Variants in PIEZO2 observed in about 807,000 individuals in gnomAD.
PIEZO2 encodes the protein piezo type mechanosensitive ion channel component 2.
A neutral mutation model predicts 337.3 loss-of-function variants in PIEZO2; 172 were observed. The ratio of observed to expected loss-of-function variants is 0.51; its 90% CI spans 0.45 to 0.58. The LOEUF is 0.58. Ranked by LOEUF, PIEZO2 falls within the 20% of genes least tolerant of loss-of-function variation. The pLI is 0.00. For missense variants in PIEZO2, 3,028 were observed against 3,391.3 expected, an observed-to-expected ratio of 0.89 and a Z score of 2.66; for synonymous variants, 1,251 against 1,228.5, an observed-to-expected ratio of 1.02 and a Z score of -0.38.
At chr18:11,057,808 A>C (rs1408899551) in intron 2 of PIEZO2, among the ~76,000 whole-genome samples, 1 of 152,384 alleles carries the variant, frequency 6.6e-6, no homozygotes, top group East Asian at 1.9e-4. Flanking sequence ...CCACCAGTTA[A>C]GTGTACTGAG....
chr18:10,964,056 T>C (rs1185682673), intron 3 of PIEZO2, among the ~76,000 whole-genome samples: 2 of 152,112 alleles, frequency 1.3e-5, no homozygotes, highest in Non-Finnish European at 2.9e-5. Context: ...GTGAAGCTCA[T>C]CTATGGGTAT....
At chr18:10,907,636 G>T (rs1444638998) in intron 4 of PIEZO2, among the ~76,000 whole-genome samples, 1 of 152,078 alleles carries the variant, frequency 6.6e-6, no homozygotes, top group Non-Finnish European at 1.5e-5. Context: ...GGCCATTTTA[G>T]CTCCAAGCTT....
At chr18:10,955,868 T>A (rs2033498249) in intron 3 of PIEZO2, among the ~76,000 whole-genome samples, 1 of 152,232 alleles carries the variant, frequency 6.6e-6, no homozygotes, top group South Asian at 2.1e-4. Flanking sequence ...ATTTTTTGTT[T>A]GTTTGTTTTT....
At position 10,828,775 on chromosome 18, in the gene PIEZO2, C is replaced by T. The variant is rs1439040309; in HGVS notation, c.918-21501G>A. Among the ~76,000 whole-genome samples the T allele has an allele frequency of 6.6e-6, 1 of 152,126 alleles. No individual in the cohort carries two copies. The highest frequency in any genetic ancestry group is 1.5e-5 in the Non-Finnish European group (1 of 68,032). ...ATTTCCCTTCCTTACTAGCTAATGC[C>T]CAGAGCTCCATCTCACCCCATCACT... On this transcript the variant is annotated intron_variant, in intron 7 of 55. Coordinates refer to ENST00000674853, the MANE Select transcript of PIEZO2 (RefSeq NM_001378183.1). The surrounding 1 kb of genome is among the most constrained non-coding windows in gnomAD (Gnocchi z 4.1).
intron 1 of PIEZO2, among the ~76,000 whole-genome samples, chr18:11,118,036 C>A (rs1021384414): frequency 1.3e-5 from 2 of 152,222 alleles, no homozygotes; most frequent in Non-Finnish European, 2.9e-5. Flanking sequence ...ACACATGTAA[C>A]AATTTTTATG....
chr18:10,905,876 G>C (rs987398670), intron 4 of PIEZO2, among the ~76,000 whole-genome samples: 1 of 152,216 alleles, frequency 6.6e-6, no homozygotes, highest in Non-Finnish European at 1.5e-5. Flanking sequence ...CATTGCCCAC[G>C]GCACCAGGGT....
At chr18:10,737,437 C>T (rs1307405080) in intron 33 of PIEZO2, among the ~76,000 whole-genome samples, 1 of 152,188 alleles carries the variant, frequency 6.6e-6, no homozygotes, top group African/African-American at 2.4e-5. Flanking sequence ...TGTCGTAGCC[C>T]TAAGACAGAC....
intron 1 of PIEZO2, among the ~76,000 whole-genome samples, chr18:11,091,109 G>T (rs1224368453): frequency 2.0e-5 from 3 of 151,870 alleles, no homozygotes; most frequent in Non-Finnish European, 4.4e-5. Flanking sequence ...ATTCAGGCCC[G>T]GCGCAGTGGC....
chr18:10,944,221 G>T (rs146431966), intron 3 of PIEZO2, among the ~76,000 whole-genome samples: 1 of 152,134 alleles, frequency 6.6e-6, no homozygotes, highest in African/African-American at 2.4e-5. Context: ...CAAGTGAATA[G>T]GGGATCAGGA....
intron 48 of PIEZO2, 22 bp downstream of exon 48, chr18:10,691,203 G>A (rs2034808663): frequency 6.2e-7 from 1 of 1,607,502 alleles, no homozygotes; most frequent in Non-Finnish European, 8.5e-7. Flanking sequence ...ATAAGTGACT[G>A]TGACGTTGCA....
At chr18:10,975,520 C>T (rs190236043) in intron 3 of PIEZO2, among the ~76,000 whole-genome samples, 5 of 152,112 alleles carry the variant, frequency 3.3e-5, no homozygotes, top group African/African-American at 4.8e-5. Context: ...AGTTTCAGCT[C>T]TGCACAACGG....
rs2038360965 is a variant in PIEZO2 at position 10,766,426 on chromosome 18, T to G, written c.2947-3328A>C. On this transcript the variant is annotated intron_variant, in intron 21 of 55. Coordinates refer to ENST00000674853, the MANE Select transcript of PIEZO2 (RefSeq NM_001378183.1). This position sits in a 1 kb window ranked among gnomAD's most constrained non-coding sequence, Gnocchi z 6.1. ...TTAGGGAAATAGATGCTGGTCCACG[T>G]ACATAACAACTGTCCAGGTGATTCT... 6.6e-6 allele frequency among the ~76,000 whole-genome samples: 1 copy of G among 152,198 alleles called. No individual in the cohort carries two copies. Among genetic ancestry groups the G allele is most frequent in the Non-Finnish European group, 1.5e-5 (1 of 68,028 alleles).
chr18:10,701,930 G>A (rs765473807), intron 43 of PIEZO2, 59 bp downstream of exon 43: 324 of 1,381,206 alleles, frequency 2.3e-4, no homozygotes, highest in Non-Finnish European at 2.8e-4. Flanking sequence ...GGAAGATTAC[G>A]GTCCAGGTTA....
intron 3 of PIEZO2, among the ~76,000 whole-genome samples, chr18:10,950,638 T>C (rs1470958303): frequency 6.6e-6 from 1 of 152,208 alleles, no homozygotes; most frequent in Non-Finnish European, 1.5e-5. Flanking sequence ...AAGATTTCTT[T>C]TCTAAACCAT....
intron 4 of PIEZO2, among the ~76,000 whole-genome samples, chr18:10,880,262 A>G (rs897629676): frequency 6.6e-6 from 1 of 152,218 alleles, no homozygotes; most frequent in East Asian, 1.9e-4. Context: ...AAATTTATTA[A>G]TCAAATTCAA....
At position 10,682,775 on chromosome 18, in the gene PIEZO2, T is replaced by TTGTACCATGTTGTTCGACACC. The variant is rs11283859; in HGVS notation, c.7498-484_7498-483insGGTGTCGAACAACATGGTACA. Among the ~76,000 whole-genome samples, 1 of 151,948 alleles carries TTGTACCATGTTGTTCGACACC rather than the reference T, an allele frequency of 6.6e-6. No homozygotes were observed. On this transcript the variant is annotated intron_variant, in intron 49 of 55. Coordinates refer to ENST00000674853, the MANE Select transcript of PIEZO2 (RefSeq NM_001378183.1). The surrounding 1 kb of genome is among the most constrained non-coding windows in gnomAD (Gnocchi z 5.6). ...TTAATTTAATTCATGACACGTGTTG[T>TTGTACCATGTTGTTCGACACC]TAAAGACAATGTTGTTCGACACCTA...
At position 10,940,691 on chromosome 18, in the gene PIEZO2, A is replaced by C. The variant is rs915063377; in HGVS notation, c.287-29463T>G. Among the ~76,000 whole-genome samples the C allele has an allele frequency of 6.6e-6, 1 of 152,116 alleles. No homozygotes were observed. The highest frequency in any genetic ancestry group is 1.5e-5 in the Non-Finnish European group (1 of 68,008). ...ATCCTAGCCAACATGGTGAAACCCT[A>C]TCTCTACTAAAAAGACAAAAATTAG... On this transcript the variant is annotated intron_variant, in intron 3 of 55. Coordinates refer to ENST00000674853, the MANE Select transcript of PIEZO2 (RefSeq NM_001378183.1). This position sits in a 1 kb window ranked among gnomAD's most constrained non-coding sequence, Gnocchi z 5.3.
intron 2 of PIEZO2, among the ~76,000 whole-genome samples, chr18:11,026,783 G>A (rs558912824): frequency 2.0e-5 from 3 of 152,178 alleles, no homozygotes; most frequent in East Asian, 3.9e-4. Flanking sequence ...ATGCATTATC[G>A]GTTAACAGAT....
intron 4 of PIEZO2, among the ~76,000 whole-genome samples, chr18:10,873,621 C>T (rs1195498813): frequency 1.3e-4 from 16 of 122,728 alleles, no homozygotes; most frequent in East Asian, 2.1e-4. Context: ...AATGGACAGA[C>T]GGTATTTAAC....
Sources: gnomAD v4.1 joint callset for allele counts (sites outside exome capture counted in the v4.1 genomes callset) on GRCh38, gnomAD v4.1.1 for gene constraint, Gnocchi (gnomAD v3.1) non-coding constraint, MANE v1.5 for transcripts, NCBI Gene and HGNC (gene_info 2026-07-23, HGNC 2026-07-21) for gene names.